Variants in LHX3 observed in about 807,000 individuals in gnomAD.
LHX3 encodes LIM/homeobox protein Lhx3.
A neutral mutation model predicts 32.4 loss-of-function variants in LHX3; 21 were observed. That is an observed-to-expected ratio of 0.65 (90% confidence interval 0.46 to 0.93). The LOEUF is 0.93. LHX3 is among the 40% of genes least tolerant of loss of function. The pLI, the probability that LHX3 is intolerant of heterozygous loss-of-function variation, is 0.00. For synonymous variants in LHX3, 258 were observed against 246.8 expected (o/e 1.05, Z -0.43); for missense variants, 626 against 560.0 (o/e 1.12, Z -1.19).
At chr9:136,199,994 G>A in intron 2 of LHX3, 114 bp from the exon 3 acceptor site, 2 of 1,139,944 alleles carry the variant, frequency 1.8e-6, no homozygotes, top group Non-Finnish European at 2.5e-6. Flanking sequence ...GGAAGGCTCT[G>A]TCCGGCCCTG....
At chr9:136,203,292 T>C in intron 1 of LHX3, 1 of 329,994 alleles carries the variant, frequency 3.0e-6, no homozygotes, top group Non-Finnish European at 4.3e-6. Context: ...TGAGCGCCTT[T>C]GCGCCGGGAC....
intron 1 of LHX3, chr9:136,201,575 C>T: frequency 1.9e-6 from 2 of 1,050,740 alleles, no homozygotes; most frequent in Non-Finnish European, 2.3e-6. Context: ...GAAAAAGTCT[C>T]TGGAAGAGAG....
At position 136,197,543 on chromosome 9, in the gene LHX3, T is replaced by C; in HGVS notation, c.976A>G (p.Ser326Gly). ...AGGAGGGGCTGGGGGCCAGGGAGGC[T>C]CTGCGGGGCGGCGGGGGATGGGGGG... ...GVPPSPAAPQ[S>G]LPGPQPLLSS... The change falls in exon 6 of 6, where the codon AGC (serine) becomes GGC (glycine). Residue 326 changes from serine (S) to glycine (G), a missense_variant. Physicochemically the swap from Ser to Gly is moderately conservative, Grantham distance 56 (BLOSUM62 0). Coordinates refer to ENST00000371748, the MANE Select transcript of LHX3 (RefSeq NM_178138.6). 1 of 1,527,712 alleles carries C rather than the reference T, an allele frequency of 6.5e-7. No homozygotes were observed. The highest frequency in any genetic ancestry group is 1.2e-5 in the South Asian group (1 of 82,410). 94.6% of individuals were successfully genotyped at this position (1,527,712 alleles called of 1,614,324 possible).
intron 2 of LHX3, 163 bp downstream of exon 2, chr9:136,200,419 T>G: frequency 5.3e-6 from 4 of 761,532 alleles, no homozygotes; most frequent in Non-Finnish European, 8.8e-6. Context: ...GCCCCACCCT[T>G]AATTTGGCCA....
At chr9:136,199,933 C>T in intron 2 of LHX3, 53 bp from the exon 3 acceptor site, 2 of 1,530,806 alleles carry the variant, frequency 1.3e-6, no homozygotes, top group African/African-American at 1.4e-5. Flanking sequence ...CTCATTTCGC[C>T]CCGAGCGGGT....
chr9:136,200,498 C>G, intron 2 of LHX3, 84 bp downstream of exon 2: 1 of 1,446,358 alleles, frequency 6.9e-7, no homozygotes, highest in Non-Finnish European at 9.6e-7. Context: ...CTTCGAGGGC[C>G]TGGCCTTGGT....
intron 3 of LHX3, among the ~76,000 whole-genome samples, chr9:136,199,362 C>T (rs977354253): frequency 6.6e-6 from 1 of 152,154 alleles, no homozygotes; most frequent in Admixed American, 6.5e-5. Context: ...CTCCAAGCAC[C>T]CTGATTTCCC....
rs540772565 is a variant in LHX3 at position 136,202,933 on chromosome 9, C to T, written c.79+2001G>A. Reference sequence around the variant, plus strand: ...TGGTCTCCCCGGTGCAGCCACTCGGCCCGGGCACCCACCTCGGCGCAGGTC... The same window carrying T: ...TGGTCTCCCCGGTGCAGCCACTCGGTCCGGGCACCCACCTCGGCGCAGGTC... On this transcript the variant is annotated intron_variant, in intron 1 of 5. Coordinates refer to ENST00000371748, the MANE Select transcript of LHX3 (RefSeq NM_178138.6). 2.3e-5 allele frequency: 35 copies of T among 1,532,182 alleles called. No individual in the cohort carries two copies. The Middle Eastern group carries it at 6.2e-4, about 27-fold the overall frequency. The allele number at this position is 1,532,182 out of a possible 1,614,324, so 94.9% of individuals were successfully genotyped here. A position where few individuals can be genotyped will look rare whatever the true frequency, so the allele number is the denominator to read the frequency against.
Position 136,199,068 on chromosome 9 carries a change from CG to C in LHX3, c.455-10del. ...GGCCGTGGCCTCGGCCTCTGCGCGG[CG>C]GGCGAGCGGTGAGGCGCGGCAGCCC... On this transcript the variant is annotated splice_polypyrimidine_tract_variant and intron_variant, in intron 3 of 5. Coordinates refer to ENST00000371748, the MANE Select transcript of LHX3 (RefSeq NM_178138.6). 1 of 1,498,226 alleles carries C rather than the reference CG, an allele frequency of 6.7e-7. No individual in the cohort carries two copies. The allele number at this position is 1,498,226 out of a possible 1,614,324, so 92.8% of individuals were successfully genotyped here. A position where few individuals can be genotyped will look rare whatever the true frequency, so the allele number is the denominator to read the frequency against.
rs1335629055 is a variant in LHX3, at chr9:136,197,248, G to C, written c.*77C>G. ...CTTGACGCCCTGGCCCCACTTCCTC[G>C]GAAACCCCAGCAGCCCCGAGCCGCC... On this transcript the variant is annotated 3_prime_UTR_variant, in exon 6 of 6. Transcript: ENST00000371748. 4 of 1,515,394 alleles carry C rather than the reference G, an allele frequency of 2.6e-6. No individual in the cohort carries two copies. In the East Asian group the frequency reaches 6.9e-5, roughly 26 times the overall value. 93.9% of individuals were successfully genotyped at this position (1,515,394 alleles called of 1,614,324 possible). A position where few individuals can be genotyped will look rare whatever the true frequency, so the allele number is the denominator to read the frequency against.
chr9:136,200,530 TG>T, intron 2 of LHX3, 51 bp downstream of exon 2: 1 of 1,584,918 alleles, frequency 6.3e-7, no homozygotes, highest in Non-Finnish European at 8.6e-7. Flanking sequence ...GAGGAGTCCC[TG>T]GGGCAGGCGT....
chr9:136,199,402 G>A (rs567465565), intron 3 of LHX3, among the ~76,000 whole-genome samples: 2 of 152,364 alleles, frequency 1.3e-5, no homozygotes, highest in South Asian at 4.1e-4. Flanking sequence ...TAAGGGTGTG[G>A]GTATGGCCCA....
At chr9:136,199,330 C>T (rs1014505704) in intron 3 of LHX3, among the ~76,000 whole-genome samples, 2 of 152,210 alleles carry the variant, frequency 1.3e-5, no homozygotes, top group African/African-American at 2.4e-5. Flanking sequence ...ACGGCGCCCC[C>T]GCCTTCAGCC....
At chr9:136,203,764 C>T (rs747949133) in intron 1 of LHX3, among the ~76,000 whole-genome samples, 2 of 152,234 alleles carry the variant, frequency 1.3e-5, no homozygotes, top group Non-Finnish European at 2.9e-5. Flanking sequence ...CGTGAGGGGC[C>T]GAGCTGGGGA....
At position 136,198,829 on chromosome 9, in the gene LHX3, G is replaced by C. The variant is rs779906527; in HGVS notation, c.607-9C>G. On this transcript the variant is annotated splice_polypyrimidine_tract_variant and intron_variant, in intron 4 of 5. Coordinates refer to ENST00000371748, the MANE Select transcript of LHX3 (RefSeq NM_178138.6). Reference sequence around the variant, plus strand: ...CGGTTCTGGAACCAAACCTGGGGGCGGGGCGGGGTGAGCGGCCGCCCGGCT... The same window carrying C: ...CGGTTCTGGAACCAAACCTGGGGGCCGGGCGGGGTGAGCGGCCGCCCGGCT... 6.2e-7 allele frequency: 1 copy of C among 1,603,070 alleles called. No homozygotes were observed. Among genetic ancestry groups the C allele is most frequent in the Non-Finnish European group, 8.5e-7 (1 of 1,176,742 alleles).
At chr9:136,202,843 C>T (rs1831677325) in intron 1 of LHX3, 3 of 1,375,024 alleles carry the variant, frequency 2.2e-6, no homozygotes, top group Non-Finnish European at 3.0e-6. Flanking sequence ...CGCGCCCACT[C>T]CCGCCCAGAT....
intron 1 of LHX3, chr9:136,201,774 C>G (rs868263125): frequency 1.1e-6 from 1 of 892,902 alleles, no homozygotes; most frequent in Non-Finnish European, 1.3e-6. Flanking sequence ...GAATGCGCCC[C>G]GCATCCGGCA....
At chr9:136,200,886 C>T in intron 1 of LHX3, 133 bp from the exon 2 acceptor site, 1 of 1,080,014 alleles carries the variant, frequency 9.3e-7, no homozygotes, top group Non-Finnish European at 1.4e-6. Context: ...CCTTTCCCTA[C>T]ACACCCTCTT....
chr9:136,204,933 C>A lies in LHX3; in HGVS notation c.79+1G>T. On this transcript the variant is annotated splice_donor_variant, in intron 1 of 5. Coordinates refer to ENST00000371748, the MANE Select transcript of LHX3 (RefSeq NM_178138.6). LOFTEE classifies it high-confidence loss of function. The stretch of plus-strand genomic sequence containing the variant: ...GTCCTCAGTGTCCTGCTGGGGCTTA[C>A]CCCGAGTCCCGCCCAAGGTGCAGAC... 6.3e-7 allele frequency: 1 copy of A among 1,597,212 alleles called. No homozygotes were observed. The highest frequency in any genetic ancestry group is 8.5e-7 in the Non-Finnish European group (1 of 1,173,260).
Sources: gnomAD v4.1 joint callset for allele counts (sites outside exome capture counted in the v4.1 genomes callset) on GRCh38, gnomAD v4.1.1 for gene constraint, MANE v1.5 for transcripts, NCBI Gene and HGNC (gene_info 2026-07-23, HGNC 2026-07-21) for gene names.